The following PRH1 variants were observed in gnomAD, a reference collection of about 807,000 sequenced individuals.
The protein encoded by PRH1 is salivary acidic proline-rich phosphoprotein 1/2.
A neutral mutation model predicts 7.9 loss-of-function variants in PRH1; 7 were observed. The ratio of observed to expected loss-of-function variants is 0.89; its 90% CI spans 0.50 to 1.67. The LOEUF (loss-of-function observed/expected upper bound fraction) is 1.67. Ranked by LOEUF, PRH1 falls within the 40% of genes most tolerant of loss-of-function variation. PRH1 has a pLI of 0.00. For missense variants in PRH1, 109 were observed against 223.6 expected (o/e 0.49, Z 3.27); for synonymous variants, 45 against 80.8 (o/e 0.56, Z 2.38).
upstream of PRH1, among the ~76,000 whole-genome samples, chr12:11,051,903 G>A (rs1324253076): frequency 1.4e-5 from 2 of 139,718 alleles, no homozygotes; most frequent in Non-Finnish European, 3.2e-5. Flanking sequence ...GTACATATGG[G>A]CAGCTTCTTT....
Position 11,042,623 on chromosome 12 carries a change from C to CTTTTTTTTTTTTTTTTTTTTTTTTTTTTT in PRH1, c.-126+4396_-126+4397insAAAAAAAAAAAAAAAAAAAAAAAAAAAAA, listed in dbSNP as rs71051557. Among the ~76,000 whole-genome samples the CTTTTTTTTTTTTTTTTTTTTTTTTTTTTT allele has an allele frequency of 8.8e-5, 7 of 79,312 alleles. 2 individuals carry two copies. Among genetic ancestry groups the CTTTTTTTTTTTTTTTTTTTTTTTTTTTTT allele is most frequent in the African/African-American group, 2.6e-4 (5 of 18,908 alleles). 52.0% of individuals were successfully genotyped at this position (79,312 alleles called of 152,430 possible). ...AAGAGGGACTACTTCCAGGCTCATT[C>CTTTTTTTTTTTTTTTTTTTTTTTTTTTTT]TTTTTTTTTTTTTTTTTTTTTTTTG... On this transcript the variant is annotated intron_variant, in intron 1 of 3. Coordinates refer to the PRH1 transcript ENST00000539853.
chr12:10,883,063 G>C lies in PRH1; in HGVS notation c.98C>G (p.Ser33Ter), dbSNP rs772680574. Residue 33 changes from serine to a stop codon, truncating the protein, a stop_gained and splice_region_variant, in exon 2 of 4, where the codon TCA becomes TGA. Coordinates refer to ENST00000543626, the MANE Select transcript of PRH1 (RefSeq NM_001393989.1). LOFTEE classifies it high-confidence loss of function. Reference protein sequence around the residue: ...VSQEDVPLVISDGGDSEQFLD... With the variant: ...VSQEDVPLVI ...ACTGAGAATTTATTGGGATTTACCTGATATTACGAGGGGAACATCTTCCTG... is the reference window on the plus strand; with the variant it reads ...ACTGAGAATTTATTGGGATTTACCTCATATTACGAGGGGAACATCTTCCTG... 6 of 1,612,852 alleles carry C rather than the reference G, an allele frequency of 3.7e-6. No individual in the cohort carries two copies. Among genetic ancestry groups the C allele is most frequent in the Non-Finnish European group, 5.1e-6 (6 of 1,178,932 alleles).
chr12:11,090,632 T>C lies in PRH1; in HGVS notation n.124-43444A>G, dbSNP rs1312112901. Among the ~76,000 whole-genome samples the C allele has an allele frequency of 5.1e-5, 6 of 117,980 alleles. 2 individuals carry two copies. The highest frequency in any genetic ancestry group is 8.1e-5 in the Non-Finnish European group (4 of 49,610). 77.4% of individuals were successfully genotyped at this position (117,980 alleles called of 152,430 possible). A position where few individuals can be genotyped will look rare whatever the true frequency, so the allele number is the denominator to read the frequency against. ...ATCTAATATTCCTCAGTACCGCTTA[T>C]GGTAGACATACATTAAATTTACTCT... On this transcript the variant is annotated intron_variant and non_coding_transcript_variant, in intron 1 of 4. Coordinates refer to the PRH1 transcript ENST00000541977.
rs137909128 is a variant in PRH1, at chr12:10,993,651, C to T, written c.-125-19930G>A. Among the ~76,000 whole-genome samples the T allele has an allele frequency of 8.5e-3, 1,290 of 152,272 alleles. 9 individuals are homozygous for T. The highest frequency in any genetic ancestry group is 0.017 in the Middle Eastern group (5 of 294). ...GGGCCTACTGGGATTTGGGAGCCAA[C>T]GTATTCCACATTTGAGGATACTGCT... is the stretch of plus-strand genomic sequence containing the variant. On this transcript the variant is annotated intron_variant, in intron 1 of 3. Transcript: ENST00000539853.
intron 2 of PRH1, among the ~76,000 whole-genome samples, chr12:10,906,307 T>C (rs1949802350): frequency 6.6e-6 from 1 of 152,218 alleles, no homozygotes; most frequent in Non-Finnish European, 1.5e-5. Context: ...AAAATATCTT[T>C]GAGTTTTGAA....
intron 1 of PRH1, among the ~76,000 whole-genome samples, chr12:11,034,204 T>C (rs1354969883): frequency 4.8e-5 from 1 of 20,628 alleles, no homozygotes; most frequent in Non-Finnish European, 1.3e-4. Context: ...CACATGTGAT[T>C]TTTTTTCACT....
chr12:10,887,184 C>A (rs141975556), upstream of PRH1, among the ~76,000 whole-genome samples: 1 of 152,156 alleles, frequency 6.6e-6, no homozygotes, highest in Non-Finnish European at 1.5e-5. Context: ...CTTCACCATG[C>A]TCTAGTTTGC....
intron 1 of PRH1, among the ~76,000 whole-genome samples, chr12:11,016,283 C>T (rs1363835215): frequency 6.6e-6 from 1 of 152,178 alleles, no homozygotes; most frequent in Non-Finnish European, 1.5e-5. Context: ...AAGTGGTACA[C>T]TTAAAGGCAA....
At chr12:10,908,926 T>C in intron 2 of PRH1, 2 of 1,613,302 alleles carry the variant, frequency 1.2e-6, no homozygotes, top group Non-Finnish European at 1.7e-6. Context: ...TTGTTTACTC[T>C]CCACTTCAAA....
chr12:10,933,318 A>C (rs1200090771), intron 2 of PRH1, among the ~76,000 whole-genome samples: 2 of 152,088 alleles, frequency 1.3e-5, no homozygotes, highest in African/African-American at 4.8e-5. Flanking sequence ...AATTTAATAG[A>C]GAATTCACTC....
At chr12:11,040,084 A>G (rs1336684304) in intron 1 of PRH1, among the ~76,000 whole-genome samples, 7 of 152,206 alleles carry the variant, frequency 4.6e-5, no homozygotes, top group African/African-American at 1.7e-4. Flanking sequence ...TTGTGTAACT[A>G]TTTTGGGTGA....
At chr12:10,938,672 A>G (rs778739720) in intron 2 of PRH1, 3 of 1,614,112 alleles carry the variant, frequency 1.9e-6, no homozygotes, top group Non-Finnish European at 2.5e-6. Flanking sequence ...GGTTAATACA[A>G]TAAGACTGGA....
chr12:11,150,049 G>T (rs71453437), intron 1 of PRH1, among the ~76,000 whole-genome samples: 38,854 of 109,904 alleles, frequency 0.35, 8,191 homozygotes, highest in Non-Finnish European at 0.44. Flanking sequence ...CATTTATGCA[G>T]CCAAAAAACA....
intron 1 of PRH1, chr12:10,997,775 G>T: frequency 6.2e-7 from 1 of 1,613,710 alleles, no homozygotes; most frequent in South Asian, 1.1e-5. Flanking sequence ...CTTGACCCAG[G>T]CAATGAAATT....
chr12:10,886,357 G>T (rs533729699), upstream of PRH1, among the ~76,000 whole-genome samples: 14 of 152,318 alleles, frequency 9.2e-5, no homozygotes, highest in African/African-American at 3.4e-4. Flanking sequence ...TGCAAGACAG[G>T]TTTCTCCTTG....
At chr12:10,959,545 TAAG>T (rs1276637396) in intron 2 of PRH1, among the ~76,000 whole-genome samples, 1 of 151,988 alleles carries the variant, frequency 6.6e-6, no homozygotes. Flanking sequence ...GAAAAAAACT[TAAG>T]AAATAAGATA....
At chr12:11,016,423 G>T (rs865914286) in intron 1 of PRH1, among the ~76,000 whole-genome samples, 2 of 152,178 alleles carry the variant, frequency 1.3e-5, no homozygotes, top group Non-Finnish European at 2.9e-5. Flanking sequence ...AGGTCCAAAG[G>T]AGTCTCCTGT....
At chr12:10,907,166 C>T (rs986937320) in intron 2 of PRH1, among the ~76,000 whole-genome samples, 7 of 152,110 alleles carry the variant, frequency 4.6e-5, no homozygotes, top group Non-Finnish European at 1.0e-4. Context: ...ATGGTGCAAC[C>T]ACTCTATAGA....
At chr12:11,062,205 T>C in intron 1 of PRH1, 1 of 1,613,446 alleles carries the variant, frequency 6.2e-7, no homozygotes, top group Non-Finnish European at 8.5e-7. Context: ...CAATGGAATT[T>C]ACCAATGCTA....
Sources: gnomAD v4.1 joint callset for allele counts (sites outside exome capture counted in the v4.1 genomes callset) on GRCh38, gnomAD v4.1.1 for gene constraint, MANE v1.5 for transcripts, NCBI Gene and HGNC (gene_info 2026-07-23, HGNC 2026-07-21) for gene names.